Variants in CCDC88C observed in about 807,000 individuals in gnomAD.
CCDC88C encodes protein Daple.
CCDC88C carries 131 observed loss-of-function variants against 198.8 expected under a neutral mutation model. The observed-to-expected ratio is 0.66, with a 90% CI of 0.57 to 0.76. The LOEUF is 0.76. Among genes scored for constraint, CCDC88C ranks in the 30% least tolerant of loss-of-function variants. The probability of loss-of-function intolerance (pLI) is 0.00; values close to 1 mark genes in which losing one functional copy is unlikely to be tolerated. For synonymous variants in CCDC88C, 1,166 were observed against 1,114.7 expected (o/e 1.05, Z -0.92); for missense variants, 2,553 against 2,631.6 (o/e 0.97, Z 0.65).
At chr14:91,408,994 G>A (rs1463987392) in intron 2 of CCDC88C, among the ~76,000 whole-genome samples, 4 of 152,036 alleles carry the variant, frequency 2.6e-5, no homozygotes, top group Non-Finnish European at 5.9e-5. Flanking sequence ...CCCACCGCAG[G>A]CCCTCAGTCA....
intron 23 of CCDC88C, among the ~76,000 whole-genome samples, chr14:91,292,956 C>A (rs1890728154): frequency 1.3e-5 from 2 of 152,002 alleles, no homozygotes; most frequent in Non-Finnish European, 2.9e-5. Flanking sequence ...CGCCCACCTC[C>A]TTTTCCAGCC....
chr14:91,334,833 G>A (rs1022566773), intron 10 of CCDC88C, among the ~76,000 whole-genome samples: 3 of 152,174 alleles, frequency 2.0e-5, no homozygotes, highest in Non-Finnish European at 4.4e-5. Flanking sequence ...CTCAACCCCA[G>A]CAGGGCTCAG....
At chr14:91,375,602 C>A (rs984110535) in intron 3 of CCDC88C, among the ~76,000 whole-genome samples, 1 of 152,170 alleles carries the variant, frequency 6.6e-6, no homozygotes, top group Non-Finnish European at 1.5e-5. Flanking sequence ...TCTGGCTTCC[C>A]CGCAGGGCCG....
intron 10 of CCDC88C, among the ~76,000 whole-genome samples, chr14:91,330,298 G>C (rs1448090460): frequency 2.6e-5 from 4 of 152,236 alleles, no homozygotes; most frequent in Non-Finnish European, 4.4e-5. Context: ...AGTCGGAAGA[G>C]AGAGTGGGGC....
chr14:91,297,780 C>T (rs529679439), intron 21 of CCDC88C, among the ~76,000 whole-genome samples: 16 of 152,332 alleles, frequency 1.1e-4, no homozygotes, highest in African/African-American at 1.7e-4. Flanking sequence ...TGTTTCAACA[C>T]AGCATCACTG....
intron 23 of CCDC88C, among the ~76,000 whole-genome samples, chr14:91,293,551 T>TCACCTGCCACGGCCCACCTTCCTGC (rs1567055857): frequency 4.8e-4 from 3 of 6,208 alleles, no homozygotes; most frequent in African/African-American, 2.4e-3. Context: ...CACCTTCCTG[T>TCACCTGCCACGGCCCACCTTCCTGC]CCCCTCGCCT....
chr14:91,334,010 T>G (rs1330747280), intron 10 of CCDC88C, among the ~76,000 whole-genome samples: 4 of 152,246 alleles, frequency 2.6e-5, no homozygotes, highest in Non-Finnish European at 5.9e-5. Flanking sequence ...CACTAACATT[T>G]TATCGTAAAA....
At chr14:91,286,591 T>A (rs998768382) in intron 25 of CCDC88C, among the ~76,000 whole-genome samples, 3 of 152,260 alleles carry the variant, frequency 2.0e-5, no homozygotes, top group African/African-American at 7.2e-5. Flanking sequence ...GGATTAAAGT[T>A]GATACCAGGA....
chr14:91,345,180 A>AT (rs1893483734), intron 4 of CCDC88C, among the ~76,000 whole-genome samples: 1 of 68,094 alleles, frequency 1.5e-5, no homozygotes, highest in Non-Finnish European at 3.1e-5. Context: ...ATATATATAT[A>AT]TATATATATA....
At chr14:91,380,033 C>T (rs1884692433) in intron 3 of CCDC88C, 2 of 633,130 alleles carry the variant, frequency 3.2e-6, no homozygotes, top group Admixed American at 4.9e-5. Flanking sequence ...GGTCCTTTCT[C>T]CTTACAGGGG....
intron 10 of CCDC88C, among the ~76,000 whole-genome samples, chr14:91,330,954 G>C (rs1299035041): frequency 6.6e-6 from 1 of 152,114 alleles, no homozygotes; most frequent in Non-Finnish European, 1.5e-5. Context: ...CTGATACTGA[G>C]GGGTGGGCCT....
Position 91,272,884 on chromosome 14 carries a change from G to A in CCDC88C, c.5828C>T (p.Ala1943Val), listed in dbSNP as rs199645792. Residue 1943 changes from alanine (A) to valine (V), a missense_variant, in exon 30 of 30, where the codon GCG (alanine) becomes GTG (valine). Ala to Val is a moderately conservative substitution (Grantham distance 64, BLOSUM62 0). Coordinates refer to ENST00000389857, the MANE Select transcript of CCDC88C (RefSeq NM_001080414.4). ...GGCCACCTCCCCTGAGCGTGGGGGC[G>A]CCTTGGGCTTGGTCCTGGCAGCCGG... The part of the protein sequence containing the change: ...AAPAARTKPK[A>V]PPRSGEVATI... 19 of 1,588,376 alleles carry A rather than the reference G, an allele frequency of 1.2e-5. No individual in the cohort carries two copies. Among genetic ancestry groups the A allele is most frequent in the East Asian group, 9.1e-5 (4 of 43,988 alleles).
chr14:91,281,688 C>T (rs1274077918), intron 26 of CCDC88C, among the ~76,000 whole-genome samples, 163 bp from the exon 27 acceptor site: 2 of 152,146 alleles, frequency 1.3e-5, no homozygotes, highest in Non-Finnish European at 2.9e-5. Context: ...CCTACCCCTC[C>T]ACCGTTTCTC....
intron 29 of CCDC88C, among the ~76,000 whole-genome samples, chr14:91,274,606 C>T (rs1297241722): frequency 6.6e-6 from 1 of 152,224 alleles, no homozygotes; most frequent in East Asian, 1.9e-4. Context: ...AACATCTGGA[C>T]ATGGTGCCAC....
chr14:91,285,687 C>T (rs755591864), intron 25 of CCDC88C: 6 of 1,288,608 alleles, frequency 4.7e-6, no homozygotes, highest in Admixed American at 4.6e-5. Flanking sequence ...TCTCCAATGT[C>T]GGAGAAAGAG....
chr14:91,309,589 A>G (rs1285765), intron 16 of CCDC88C, among the ~76,000 whole-genome samples: 147,268 of 147,312 alleles, frequency 1, 73,612 homozygotes, highest in East Asian at 1. Context: ...CAGCCTGGAC[A>G]ACAGAGCCAG....
At position 91,322,904 on chromosome 14, in the gene CCDC88C, C is replaced by CTTT. The variant is rs35728972; in HGVS notation, c.1343-1603_1343-1601dup. Among the ~76,000 whole-genome samples, 338 of 127,488 alleles carry CTTT rather than the reference C, an allele frequency of 2.7e-3. 6 individuals are homozygous for CTTT. The highest frequency in any genetic ancestry group is 8.3e-3 in the African/African-American group (284 of 34,390). 83.6% of individuals were successfully genotyped at this position (127,488 alleles called of 152,430 possible). On this transcript the variant is annotated intron_variant, in intron 12 of 29. Transcript: ENST00000389857. Reference sequence around the variant, plus strand: ...TTACTACTAAAACGCCAGTGTTTCTCTTTTTTTTTTTTTTTTTTTGAGACA... The same window carrying CTTT: ...TTACTACTAAAACGCCAGTGTTTCTCTTTTTTTTTTTTTTTTTTTTTTGAGACA...
intron 4 of CCDC88C, among the ~76,000 whole-genome samples, chr14:91,344,451 C>T (rs1893434497): frequency 6.6e-6 from 1 of 152,152 alleles, no homozygotes; most frequent in Non-Finnish European, 1.5e-5. Flanking sequence ...TCCTCCTTCC[C>T]CCTTTTAAGT....
At chr14:91,331,367 A>C (rs1222506272) in intron 10 of CCDC88C, among the ~76,000 whole-genome samples, 1 of 152,202 alleles carries the variant, frequency 6.6e-6, no homozygotes, top group Non-Finnish European at 1.5e-5. Context: ...TGAGAGCTGC[A>C]GGAGATGTTG....
Sources: allele counts gnomAD v4.1 joint callset (sites outside exome capture counted in the v4.1 genomes callset), GRCh38; gene constraint gnomAD v4.1.1; transcripts MANE v1.5; gene names NCBI Gene and HGNC (gene_info 2026-07-23, HGNC 2026-07-21).